ELAPOR2: variants seen among roughly 807,000 people sequenced by gnomAD.
The protein encoded by ELAPOR2 is endosome-lysosome associated apoptosis and autophagy regulator family member 2, also known as endosome/lysosome-associated apoptosis and autophagy regulator family member 2.
In ELAPOR2, 89 loss-of-function variants were observed where a neutral mutation model predicts 120.7. That is an observed-to-expected ratio of 0.74 (90% CI 0.62 to 0.88). ELAPOR2 has a LOEUF of 0.88. ELAPOR2 is among the 40% of genes least tolerant of loss of function. ELAPOR2 has a pLI of 0.00. For missense variants in ELAPOR2, 1,134 were observed against 1,251.6 expected (o/e 0.91, Z 1.42); for synonymous variants, 444 against 444.9 (o/e 1.00, Z 0.03).
At chr7:86,927,037 A>T (rs1790104245) in intron 8 of ELAPOR2, 121 bp from the exon 9 acceptor site, 1 of 819,666 alleles carries the variant, frequency 1.2e-6, no homozygotes, top group Non-Finnish European at 1.7e-6. Context: ...CAGCTGACAG[A>T]ATCTAAAACA....
chr7:86,930,684 C>G (rs1790288276), intron 8 of ELAPOR2, among the ~76,000 whole-genome samples: 1 of 151,884 alleles, frequency 6.6e-6, no homozygotes, highest in South Asian at 2.1e-4. Context: ...GAAGAAGGCT[C>G]CCTTTTAAAA....
chr7:87,034,422 T>C (rs1794516919), intron 1 of ELAPOR2, among the ~76,000 whole-genome samples: 1 of 152,096 alleles, frequency 6.6e-6, no homozygotes, highest in Admixed American at 6.6e-5. Context: ...GTGTTTTTAT[T>C]GCTGCATTTT....
At chr7:87,024,027 T>G (rs1397332055) in intron 1 of ELAPOR2, among the ~76,000 whole-genome samples, 1 of 152,202 alleles carries the variant, frequency 6.6e-6, no homozygotes. Flanking sequence ...ACAATTTGAC[T>G]TCCTCTTTGC....
At chr7:86,981,792 T>A (rs1792500728) in intron 1 of ELAPOR2, among the ~76,000 whole-genome samples, 1 of 152,194 alleles carries the variant, frequency 6.6e-6, no homozygotes, top group Non-Finnish European at 1.5e-5. Context: ...ACCTGGTTCA[T>A]CTCATTGGGA....
rs1413837722 is a variant in ELAPOR2, at chr7:86,893,215, G to C, written c.2686-115C>G. On this transcript the variant is annotated intron_variant, in intron 19 of 21. Transcript: ENST00000450689. Reference sequence around the variant, plus strand: ...CTTACATAAAAGAAGAAAGGGTTTTGCTAACCCTTTACTTACAGTAGGCAT... The same window carrying C: ...CTTACATAAAAGAAGAAAGGGTTTTCCTAACCCTTTACTTACAGTAGGCAT... 1.0e-5 allele frequency: 8 copies of C among 787,690 alleles called. No homozygotes were observed. In the Admixed American group the frequency reaches 2.6e-4, roughly 25 times the overall value. The allele number at this position is 787,690 out of a possible 1,614,324, so 48.8% of individuals were successfully genotyped here. A position where few individuals can be genotyped will look rare whatever the true frequency, so the allele number is the denominator to read the frequency against.
chr7:87,007,834 TA>T (rs1296321969), intron 1 of ELAPOR2, among the ~76,000 whole-genome samples: 3 of 152,138 alleles, frequency 2.0e-5, no homozygotes, highest in African/African-American at 7.2e-5. Context: ...TAATCAAAAC[TA>T]TTAACTAAAA....
intron 1 of ELAPOR2, among the ~76,000 whole-genome samples, chr7:87,020,944 A>G (rs1162275895): frequency 1.3e-5 from 2 of 152,128 alleles, no homozygotes; most frequent in African/African-American, 4.8e-5. Flanking sequence ...TATTACAAAA[A>G]TAATAAAGTC....
At chr7:87,024,128 C>A (rs1329424872) in intron 1 of ELAPOR2, among the ~76,000 whole-genome samples, 3 of 152,092 alleles carry the variant, frequency 2.0e-5, no homozygotes, top group African/African-American at 7.2e-5. Context: ...GAGAGGGCAT[C>A]CCTCTCTTGT....
chr7:86,979,828 G>C (rs1465480617), intron 1 of ELAPOR2, among the ~76,000 whole-genome samples: 1 of 152,156 alleles, frequency 6.6e-6, no homozygotes, highest in Non-Finnish European at 1.5e-5. Context: ...AGACTCCCAG[G>C]GGTGTCCAAG....
chr7:86,886,529 G>A (rs1185784732), intron 21 of ELAPOR2, among the ~76,000 whole-genome samples: 1 of 152,050 alleles, frequency 6.6e-6, no homozygotes, highest in Non-Finnish European at 1.5e-5. Context: ...CTCTTGATAT[G>A]GCTACCAGCT....
chr7:87,024,184 G>C (rs1794163100), intron 1 of ELAPOR2, among the ~76,000 whole-genome samples: 1 of 152,156 alleles, frequency 6.6e-6, no homozygotes, highest in Non-Finnish European at 1.5e-5. Flanking sequence ...CATTCAGTAT[G>C]ATATTGGCTG....
chr7:87,043,903 T>A (rs1223051730), intron 1 of ELAPOR2, among the ~76,000 whole-genome samples: 1 of 151,900 alleles, frequency 6.6e-6, no homozygotes, highest in Non-Finnish European at 1.5e-5. Flanking sequence ...ATAAGCAACT[T>A]CAGCGAAGTC....
rs1799319941 is a variant in ELAPOR2, at chr7:86,879,923, T to C, written c.*548A>G. ...ATTTAAATCAAGAGAAGATAACCTA[T>C]GGAAAAATGAAAAATTTATTGTCTT... On this transcript the variant is annotated 3_prime_UTR_variant, in exon 22 of 22. Transcript: ENST00000450689. 1 of 152,200 alleles carries C rather than the reference T, an allele frequency of 6.6e-6. No homozygotes were observed. The highest frequency in any genetic ancestry group is 2.4e-5 in the African/African-American group (1 of 41,444). The allele number at this position is 152,200 out of a possible 1,614,324, so 9.4% of individuals were successfully genotyped here.
chr7:87,015,036 AAAGC>A (rs1781729701), intron 1 of ELAPOR2, among the ~76,000 whole-genome samples: 1 of 152,158 alleles, frequency 6.6e-6, no homozygotes, highest in African/African-American at 2.4e-5. Flanking sequence ...CAGGAAAAAA[AAAGC>A]AACTGCTATG....
chr7:86,908,818 G>A (rs1489516939), intron 16 of ELAPOR2, among the ~76,000 whole-genome samples: 1 of 151,976 alleles, frequency 6.6e-6, no homozygotes, highest in East Asian at 1.9e-4. Context: ...GCAGTAATTC[G>A]ATAATCTACG....
chr7:86,886,686 G>A, intron 21 of ELAPOR2, among the ~76,000 whole-genome samples: 1 of 152,238 alleles, frequency 6.6e-6, no homozygotes, highest in East Asian at 1.9e-4. Flanking sequence ...AAATACGAAT[G>A]GCATATATTC....
Position 87,031,393 on chromosome 7 carries a change from T to C in ELAPOR2, c.189+27932A>G, listed in dbSNP as rs138884455. On this transcript the variant is annotated intron_variant, in intron 1 of 21. Transcript: ENST00000450689. ...TAAACAAAGTCCTCATTTTAGCCTCTGAATGAGTGGCATGAGATCCACATT... is the reference window on the plus strand; with the variant it reads ...TAAACAAAGTCCTCATTTTAGCCTCCGAATGAGTGGCATGAGATCCACATT... 2.5e-4 allele frequency among the ~76,000 whole-genome samples: 38 copies of C among 151,956 alleles called. 1 individual carries two copies. In the East Asian group the frequency reaches 7.4e-3, roughly 29 times the overall value.
At chr7:87,033,658 A>G (rs1414752247) in intron 1 of ELAPOR2, among the ~76,000 whole-genome samples, 1 of 152,174 alleles carries the variant, frequency 6.6e-6, no homozygotes, top group African/African-American at 2.4e-5. Flanking sequence ...AAAAATTTTT[A>G]ACTTTTCAAA....
intron 1 of ELAPOR2, among the ~76,000 whole-genome samples, chr7:87,026,985 A>G (rs1794264901): frequency 6.6e-6 from 1 of 152,102 alleles, no homozygotes; most frequent in African/African-American, 2.4e-5. Context: ...AATTTCTATA[A>G]TATTTTTCTT....
Sources: allele counts gnomAD v4.1 joint callset (sites outside exome capture counted in the v4.1 genomes callset), GRCh38; gene constraint gnomAD v4.1.1; transcripts MANE v1.5; gene names NCBI Gene and HGNC (gene_info 2026-07-23, HGNC 2026-07-21).